PAK5: variants seen among roughly 807,000 people sequenced by gnomAD.
The protein encoded by PAK5 is serine/threonine-protein kinase PAK 5.
PAK5 carries 16 observed loss-of-function variants against 65.9 expected under a neutral mutation model. The ratio of observed to expected loss-of-function variants is 0.24; its 90% CI spans 0.16 to 0.37. The LOEUF is 0.37. Ranked by LOEUF, PAK5 falls within the 10% of genes least tolerant of loss-of-function variation. PAK5 has a pLI of 1.00. For missense variants in PAK5, 785 were observed against 903.9 expected (o/e 0.87, Z 1.69); for synonymous variants, 371 against 354.9 (o/e 1.05, Z -0.51).
intron 7 of PAK5, among the ~76,000 whole-genome samples, chr20:9,551,661 G>C (rs2045429935): frequency 6.6e-6 from 1 of 152,186 alleles, no homozygotes; most frequent in African/African-American, 2.4e-5. Flanking sequence ...TAATGCAAAA[G>C]GGGGCTACTT....
At chr20:9,741,096 C>A (rs1216204402) in intron 1 of PAK5, among the ~76,000 whole-genome samples, 1 of 152,194 alleles carries the variant, frequency 6.6e-6, no homozygotes, top group Non-Finnish European at 1.5e-5. Flanking sequence ...TATGCAAAGT[C>A]ATCTGCTGGA....
At chr20:9,595,933 A>C (rs566802059) in intron 3 of PAK5, among the ~76,000 whole-genome samples, 1 of 151,162 alleles carries the variant, frequency 6.6e-6, no homozygotes, top group South Asian at 2.1e-4. Context: ...TTAACTATTG[A>C]TTTTGTTCAT....
In PAK5 at chr20:9,659,812, A is replaced by G. The variant is rs546383551; in HGVS notation, c.-11-15473T>C. Among the ~76,000 whole-genome samples, 69 of 152,310 alleles carry G rather than the reference A, an allele frequency of 4.5e-4. 1 individual carries two copies. Among genetic ancestry groups the G allele is most frequent in the South Asian group, 1.0e-3 (5 of 4,828 alleles). On this transcript the variant is annotated intron_variant, in intron 2 of 9. Coordinates refer to ENST00000353224, the MANE Select transcript of PAK5 (RefSeq NM_177990.4). Reference sequence around the variant, plus strand: ...TTGCCTTGTCCCCAAACAATCTAACATTCTGAGCAAATAGAAATGGTAGTC... The same window carrying G: ...TTGCCTTGTCCCCAAACAATCTAACGTTCTGAGCAAATAGAAATGGTAGTC...
At chr20:9,774,000 C>T (rs1446322510) in intron 1 of PAK5, among the ~76,000 whole-genome samples, 1 of 152,154 alleles carries the variant, frequency 6.6e-6, no homozygotes, top group African/African-American at 2.4e-5. Context: ...GGTTATATTT[C>T]AGAACAAGGG....
At position 9,618,915 on chromosome 20, in the gene PAK5, G is replaced by GTTTTT. The variant is rs150725498; in HGVS notation, c.204+25205_204+25209dup. ...AGATTCTTTTCTCTCTCTTTCTTTC[G>GTTTTT]TTTTTTTTTTTTTTTTTTTTTTTTT... is the stretch of plus-strand genomic sequence containing the variant. On this transcript the variant is annotated intron_variant, in intron 3 of 9. Transcript: ENST00000353224. 2.5e-3 allele frequency among the ~76,000 whole-genome samples: 47 copies of GTTTTT among 18,840 alleles called. 11 individuals are homozygous for GTTTTT. The highest frequency in any genetic ancestry group is 4.7e-3 in the African/African-American group (20 of 4,250). The allele number at this position is 18,840 out of a possible 152,430, so 12.4% of individuals were successfully genotyped here. A position where few individuals can be genotyped will look rare whatever the true frequency, so the allele number is the denominator to read the frequency against.
At chr20:9,783,634 A>G (rs2048964642) in intron 1 of PAK5, among the ~76,000 whole-genome samples, 1 of 152,216 alleles carries the variant, frequency 6.6e-6, no homozygotes, top group African/African-American at 2.4e-5. Flanking sequence ...ATGTTACGGA[A>G]CATTGTGTTC....
intron 1 of PAK5, among the ~76,000 whole-genome samples, chr20:9,831,247 C>T (rs926717758): frequency 1.1e-4 from 16 of 152,178 alleles, no homozygotes; most frequent in African/African-American, 3.9e-4. Flanking sequence ...TTGGGATTCC[C>T]CATCCCCCGC....
chr20:9,825,908 T>C (rs2049478250), intron 1 of PAK5, among the ~76,000 whole-genome samples: 1 of 152,190 alleles, frequency 6.6e-6, no homozygotes, highest in African/African-American at 2.4e-5. Context: ...AATTCAAAGG[T>C]TATAATTTGA....
intron 3 of PAK5, among the ~76,000 whole-genome samples, chr20:9,606,687 T>G (rs1000233562): frequency 6.6e-6 from 1 of 152,186 alleles, no homozygotes; most frequent in Non-Finnish European, 1.5e-5. Context: ...TGATTGAGAA[T>G]GGAAGCAGAC....
intron 1 of PAK5, among the ~76,000 whole-genome samples, chr20:9,727,333 T>C (rs6039559): frequency 0.016 from 2,399 of 152,278 alleles, 25 homozygotes; most frequent in Middle Eastern, 0.044. Flanking sequence ...GTGGGAGGTT[T>C]ATGATGTCAT....
chr20:9,628,582 C>T (rs1457665389), intron 3 of PAK5, among the ~76,000 whole-genome samples: 4 of 152,226 alleles, frequency 2.6e-5, no homozygotes, highest in Non-Finnish European at 5.9e-5. Flanking sequence ...TTCTCCCTCA[C>T]TAGACTGTGC....
At chr20:9,604,013 A>G (rs953098394) in intron 3 of PAK5, among the ~76,000 whole-genome samples, 1 of 152,262 alleles carries the variant, frequency 6.6e-6, no homozygotes, top group African/African-American at 2.4e-5. Context: ...GATTGGCAGA[A>G]TTATGATCAC....
At chr20:9,544,007 T>C (rs1205956674) in intron 8 of PAK5, among the ~76,000 whole-genome samples, 2 of 152,214 alleles carry the variant, frequency 1.3e-5, no homozygotes, top group Non-Finnish European at 2.9e-5. Flanking sequence ...CTCTTTCCTT[T>C]CTCTGAATTC....
At chr20:9,833,966 G>T (rs1978946523) in intron 1 of PAK5, among the ~76,000 whole-genome samples, 1 of 151,988 alleles carries the variant, frequency 6.6e-6, no homozygotes, top group East Asian at 1.9e-4. Context: ...TTTTTAGTTA[G>T]TAAAACACTG....
chr20:9,562,380 T>C (rs1387268131), intron 6 of PAK5, among the ~76,000 whole-genome samples: 2 of 152,216 alleles, frequency 1.3e-5, no homozygotes, highest in African/African-American at 4.8e-5. Context: ...GGGAGGCAAA[T>C]AGCTGAAGCA....
chr20:9,602,182 T>C (rs1022698045), intron 3 of PAK5, among the ~76,000 whole-genome samples: 6 of 151,814 alleles, frequency 4.0e-5, no homozygotes, highest in Non-Finnish European at 8.8e-5. Context: ...TCCCAGCTAC[T>C]TGGGAGGCTG....
chr20:9,642,356 T>C (rs1438273596), intron 3 of PAK5, among the ~76,000 whole-genome samples: 1 of 152,186 alleles, frequency 6.6e-6, no homozygotes, highest in East Asian at 1.9e-4. Context: ...TTCTAACTGG[T>C]GTGAGAATGT....
intron 1 of PAK5, among the ~76,000 whole-genome samples, chr20:9,810,763 G>C (rs2049289328): frequency 6.6e-6 from 1 of 152,108 alleles, no homozygotes; most frequent in African/African-American, 2.4e-5. Context: ...TAATAAAAAT[G>C]TACAAGATCA....
At chr20:9,751,222 G>T (rs1201307381) in intron 1 of PAK5, among the ~76,000 whole-genome samples, 2 of 152,102 alleles carry the variant, frequency 1.3e-5, no homozygotes, top group East Asian at 3.9e-4. Context: ...GTAGTCTTAT[G>T]ACTCAAAATA....
Sources: gnomAD v4.1 joint callset for allele counts (sites outside exome capture counted in the v4.1 genomes callset) on GRCh38, gnomAD v4.1.1 for gene constraint, MANE v1.5 for transcripts, NCBI Gene and HGNC (gene_info 2026-07-23, HGNC 2026-07-21) for gene names.